Variants in DIAPH3 observed in about 807,000 individuals in gnomAD.
DIAPH3 encodes protein diaphanous homolog 3.
Under a neutral mutation model 144.3 loss-of-function variants are expected in DIAPH3, and 117 were observed. The observed-to-expected ratio is 0.81, with a 90% CI of 0.70 to 0.95. The LOEUF (loss-of-function observed/expected upper bound fraction) is 0.95, where lower values mean the gene tolerates loss of function less well. DIAPH3 is among the 40% of genes least tolerant of loss of function. The probability of loss-of-function intolerance (pLI) is 0.00; values close to 1 mark genes in which losing one functional copy is unlikely to be tolerated. For synonymous variants in DIAPH3, 519 were observed against 488.9 expected (o/e 1.06, Z -0.81); for missense variants, 1,421 against 1,412.7 (o/e 1.01, Z -0.09).
intron 27 of DIAPH3, among the ~76,000 whole-genome samples, chr13:59,744,745 G>A (rs533456639): frequency 6.6e-6 from 1 of 152,266 alleles, no homozygotes; most frequent in South Asian, 2.1e-4. Context: ...CCAGGAGTGG[G>A]GCAAGAGTGG....
At chr13:59,846,063 G>A (rs964702395) in intron 22 of DIAPH3, among the ~76,000 whole-genome samples, 5 of 152,098 alleles carry the variant, frequency 3.3e-5, no homozygotes, top group African/African-American at 1.2e-4. Context: ...TTATTATTAT[G>A]ATAATTATAC....
chr13:59,704,294 T>C (rs1362174208), intron 27 of DIAPH3, among the ~76,000 whole-genome samples: 1 of 152,214 alleles, frequency 6.6e-6, no homozygotes, highest in Non-Finnish European at 1.5e-5. Context: ...CAAACCCAGA[T>C]TGTCAATCTC....
chr13:60,028,379 A>G (rs1402442473), intron 5 of DIAPH3, among the ~76,000 whole-genome samples: 2 of 151,726 alleles, frequency 1.3e-5, no homozygotes, highest in African/African-American at 4.8e-5. Flanking sequence ...CAATAATATC[A>G]TCTTGCCCCA....
Position 60,146,834 on chromosome 13 carries a change from C to T in DIAPH3, c.181-13845G>A, listed in dbSNP as rs190831707. On this transcript the variant is annotated intron_variant, in intron 1 of 27. Coordinates refer to ENST00000400324, the MANE Select transcript of DIAPH3 (RefSeq NM_001042517.2). The stretch of plus-strand genomic sequence containing the variant: ...GGCAACAAGGTTTGCAGGAAGTCAG[C>T]AGCTGATAGCCACAGGTAAGGGAAG... Among the ~76,000 whole-genome samples, 314 of 152,280 alleles carry T rather than the reference C, an allele frequency of 2.1e-3. 4 individuals are homozygous for T. Among genetic ancestry groups the T allele is most frequent in the African/African-American group, 7.3e-3 (302 of 41,558 alleles).
At chr13:59,768,347 C>T (rs1047049686) in intron 27 of DIAPH3, among the ~76,000 whole-genome samples, 1 of 152,048 alleles carries the variant, frequency 6.6e-6, no homozygotes, top group Non-Finnish European at 1.5e-5. Context: ...GTTCCTTATG[C>T]TCTTTCTACT....
chr13:60,031,196 T>G (rs1241879543), intron 5 of DIAPH3, among the ~76,000 whole-genome samples: 1 of 152,018 alleles, frequency 6.6e-6, no homozygotes, highest in Non-Finnish European at 1.5e-5. Context: ...GCATGTCACA[T>G]GGCCAGAGCC....
chr13:60,163,310 T>C (rs1240316377), intron 1 of DIAPH3, among the ~76,000 whole-genome samples: 1 of 152,228 alleles, frequency 6.6e-6, no homozygotes, highest in Admixed American at 6.5e-5. Flanking sequence ...GAACTTCGAC[T>C]TAAAAAATGC....
intron 22 of DIAPH3, among the ~76,000 whole-genome samples, chr13:59,847,490 G>C (rs1307767964): frequency 1.3e-5 from 2 of 152,166 alleles, no homozygotes; most frequent in Non-Finnish European, 2.9e-5. Context: ...TTTTAGAAGA[G>C]AAAGTGTATT....
At chr13:60,142,940 C>T (rs1354590290) in intron 1 of DIAPH3, among the ~76,000 whole-genome samples, 1 of 150,408 alleles carries the variant, frequency 6.6e-6, no homozygotes, top group Non-Finnish European at 1.5e-5. Flanking sequence ...TTTTTATAGA[C>T]GGCGGTCCCA....
At chr13:59,823,335 C>T (rs890768957) in intron 24 of DIAPH3, among the ~76,000 whole-genome samples, 1 of 152,078 alleles carries the variant, frequency 6.6e-6, no homozygotes. Context: ...TATTCAGCAC[C>T]TGAAATTGAT....
intron 27 of DIAPH3, among the ~76,000 whole-genome samples, chr13:59,733,317 C>T (rs2035978000): frequency 6.6e-6 from 1 of 152,020 alleles, no homozygotes; most frequent in African/African-American, 2.4e-5. Flanking sequence ...ATTTCTTTTC[C>T]TCAAAACAAA....
rs202052098 is a variant in DIAPH3 at position 59,848,511 on chromosome 13, A to C, written c.2738-9063T>G. Among the ~76,000 whole-genome samples, 891 of 130,532 alleles carry C rather than the reference A, an allele frequency of 6.8e-3. 51 individuals are homozygous for C. In the East Asian group the frequency reaches 0.16, roughly 24 times the overall value. The allele number at this position is 130,532 out of a possible 152,430, so 85.6% of individuals were successfully genotyped here. A position where few individuals can be genotyped will look rare whatever the true frequency, so the allele number is the denominator to read the frequency against. ...TCCCCAGAGTGTGATATTCCCCTTCATGTGTCCATGTGATCTCATTGTTCA... is the reference window on the plus strand; with the variant it reads ...TCCCCAGAGTGTGATATTCCCCTTCCTGTGTCCATGTGATCTCATTGTTCA... On this transcript the variant is annotated intron_variant, in intron 22 of 27. Coordinates refer to ENST00000400324, the MANE Select transcript of DIAPH3 (RefSeq NM_001042517.2).
At chr13:59,707,143 C>T (rs991474440) in intron 27 of DIAPH3, among the ~76,000 whole-genome samples, 4 of 152,084 alleles carry the variant, frequency 2.6e-5, no homozygotes, top group African/African-American at 9.7e-5. Flanking sequence ...AGTAGTAAAG[C>T]CAGCTAAATG....
At chr13:59,982,145 T>C (rs1412921254) in intron 13 of DIAPH3, among the ~76,000 whole-genome samples, 1 of 151,552 alleles carries the variant, frequency 6.6e-6, no homozygotes, top group East Asian at 1.9e-4. Flanking sequence ...TTTAAATCTT[T>C]TGTATTTACT....
intron 14 of DIAPH3, among the ~76,000 whole-genome samples, chr13:59,980,482 A>T (rs2050927455): frequency 6.6e-6 from 1 of 151,596 alleles, no homozygotes; most frequent in Non-Finnish European, 1.5e-5. Flanking sequence ...TAAAACAAAC[A>T]AAATGCCTCA....
chr13:59,844,461 G>A (rs1261241327), intron 22 of DIAPH3, among the ~76,000 whole-genome samples: 1 of 145,140 alleles, frequency 6.9e-6, no homozygotes. Context: ...CTGAGATCGC[G>A]CCACTGCACT....
intron 27 of DIAPH3, among the ~76,000 whole-genome samples, chr13:59,667,265 T>A (rs948075566): frequency 6.6e-6 from 1 of 152,208 alleles, no homozygotes. Flanking sequence ...GGGCACATGA[T>A]GGCTGGACAC....
At chr13:59,941,059 T>C (rs536357572) in intron 17 of DIAPH3, among the ~76,000 whole-genome samples, 6 of 152,294 alleles carry the variant, frequency 3.9e-5, no homozygotes, top group Middle Eastern at 3.4e-3. Flanking sequence ...AGATAAACCC[T>C]AGAATAAGAG....
In DIAPH3 at chr13:59,810,830, C is replaced by T. The variant is rs371429652; in HGVS notation, c.3121G>A (p.Glu1041Lys). Residue 1041 changes from glutamate to lysine, a missense_variant, in exon 25 of 28, where the codon GAA becomes AAA. Physicochemically the swap from Glu to Lys is moderately conservative, Grantham distance 56. Transcript: ENST00000400324. Reference protein sequence around the residue: ...AKELAERERLERQQKKKRLLE... With the variant: ...AKELAERERLKRQQKKKRLLE... ...AAACGCTTTTTCTTTTGTTGGCGTT[C>T]GAGTCTTTCTCGCTCTGCTAATTCT... The T allele has an allele frequency of 1.5e-5, 24 of 1,613,598 alleles. No individual in the cohort carries two copies. The highest frequency in any genetic ancestry group is 7.7e-5 in the South Asian group (7 of 91,016).
Sources: allele counts gnomAD v4.1 joint callset (sites outside exome capture counted in the v4.1 genomes callset), GRCh38; gene constraint gnomAD v4.1.1; transcripts MANE v1.5; gene names NCBI Gene and HGNC (gene_info 2026-07-23, HGNC 2026-07-21).